Variants in DOCK5 observed in about 807,000 individuals in gnomAD.
DOCK5 encodes the protein dedicator of cytokinesis protein 5.
DOCK5 carries 142 observed loss-of-function variants against 251.8 expected under a neutral mutation model. That is an observed-to-expected ratio of 0.56 (90% CI 0.49 to 0.65). The LOEUF (loss-of-function observed/expected upper bound fraction) is 0.65. Ranked by LOEUF, DOCK5 falls within the 30% of genes least tolerant of loss-of-function variation. The pLI is 0.00. For missense variants in DOCK5, 2,111 were observed against 2,312.3 expected, an observed-to-expected ratio of 0.91 and a Z score of 1.79; for synonymous variants, 842 against 835.5, an observed-to-expected ratio of 1.01 and a Z score of -0.13.
rs79126979 is a variant in DOCK5, at chr8:25,386,967, A to T, written c.4132-2124A>T. Among the ~76,000 whole-genome samples, 369 of 152,326 alleles carry T rather than the reference A, an allele frequency of 2.4e-3. 1 individual carries two copies. Among genetic ancestry groups the T allele is most frequent in the African/African-American group, 8.5e-3 (355 of 41,564 alleles). On this transcript the variant is annotated intron_variant, in intron 40 of 51. Coordinates refer to ENST00000276440, the MANE Select transcript of DOCK5 (RefSeq NM_024940.8). Reference sequence around the variant, plus strand: ...CATATAGGAGTGCTTTATAAACTGTAAAGTAGTTTAGAGATGTTAACATAC... The same window carrying T: ...CATATAGGAGTGCTTTATAAACTGTTAAGTAGTTTAGAGATGTTAACATAC...
At chr8:25,207,126 A>G (rs949336429) in intron 1 of DOCK5, among the ~76,000 whole-genome samples, 10 of 152,214 alleles carry the variant, frequency 6.6e-5, no homozygotes, top group African/African-American at 2.4e-4. Context: ...GAATGCAGAC[A>G]TACCTCCTTC....
chr8:25,246,406 T>C (rs2117552225), intron 2 of DOCK5, among the ~76,000 whole-genome samples: 1 of 152,290 alleles, frequency 6.6e-6, no homozygotes, highest in South Asian at 2.1e-4. Context: ...CCTGAGTAGT[T>C]GGGATTACAG....
At chr8:25,187,222 T>TATATATACGTATATATATATATACAC (rs1194285307) in intron 1 of DOCK5, among the ~76,000 whole-genome samples, 170 of 144,784 alleles carry the variant, frequency 1.2e-3, no homozygotes, top group African/African-American at 4.3e-3. Context: ...TATATATACA[T>TATATATACGTATATATATATATACAC]ATATATACGT....
chr8:25,354,437 A>T (rs191240769), intron 27 of DOCK5, among the ~76,000 whole-genome samples: 1 of 152,314 alleles, frequency 6.6e-6, no homozygotes, highest in East Asian at 1.9e-4. Context: ...ATCAAATTGC[A>T]TGTTGTCTCC....
intron 34 of DOCK5, among the ~76,000 whole-genome samples, chr8:25,371,005 A>C (rs1257698872): frequency 6.6e-6 from 1 of 151,992 alleles, no homozygotes; most frequent in African/African-American, 2.4e-5. Flanking sequence ...ACTACTCTAG[A>C]CCATTGCTTT....
intron 1 of DOCK5, among the ~76,000 whole-genome samples, chr8:25,200,930 G>A (rs1801866113): frequency 6.6e-6 from 1 of 150,788 alleles, no homozygotes; most frequent in Non-Finnish European, 1.5e-5. Flanking sequence ...TGTTTGAGAT[G>A]GAGTCTTGCT....
chr8:25,374,841 A>G (rs140119583), intron 37 of DOCK5, 187 bp downstream of exon 37: 1 of 1,441,938 alleles, frequency 6.9e-7, no homozygotes. Flanking sequence ...AATGTCAGTT[A>G]TCTTTTATTT....
chr8:25,330,881 C>A (rs894555767), intron 18 of DOCK5, among the ~76,000 whole-genome samples: 5 of 152,174 alleles, frequency 3.3e-5, no homozygotes, highest in Non-Finnish European at 7.4e-5. Context: ...AGTTCAAGAC[C>A]AGCCTGGGCA....
At chr8:25,368,417 C>T (rs1309338661) in intron 32 of DOCK5, among the ~76,000 whole-genome samples, 154 bp from the exon 33 acceptor site, 6 of 152,336 alleles carry the variant, frequency 3.9e-5, no homozygotes, top group Middle Eastern at 3.4e-3. Flanking sequence ...CTGTCTCTTA[C>T]TCTGGCATCC....
At chr8:25,203,593 G>A (rs896661225) in intron 1 of DOCK5, among the ~76,000 whole-genome samples, 7 of 152,120 alleles carry the variant, frequency 4.6e-5, no homozygotes, top group East Asian at 1.9e-4. Context: ...AGCTCACTCC[G>A]TGAAGCAAAC....
At chr8:25,239,339 GTA>G (rs1554521916) in intron 1 of DOCK5, among the ~76,000 whole-genome samples, 1,372 of 93,410 alleles carry the variant, frequency 0.015, 12 homozygotes, top group East Asian at 0.048. Flanking sequence ...GTGTGTGTGT[GTA>G]TGTGTGTGTG....
intron 12 of DOCK5, 109 bp from the exon 13 acceptor site, chr8:25,310,298 C>A (rs925972562): frequency 5.2e-6 from 6 of 1,147,612 alleles, no homozygotes; most frequent in Middle Eastern, 3.0e-4. Flanking sequence ...GAATTTACAT[C>A]TTTACAGTAA....
rs549583483 is a variant in DOCK5 at position 25,329,473 on chromosome 8, G to C, written c.1904-2778G>C. ...TATTAATGTAGTTAATAATTGAACT[G>C]TCTAATTGAAGTCTTGTGTCACGTG... On this transcript the variant is annotated intron_variant, in intron 18 of 51. Transcript: ENST00000276440. 2.6e-5 allele frequency among the ~76,000 whole-genome samples: 4 copies of C among 152,178 alleles called. No individual in the cohort carries two copies. In the South Asian group the frequency reaches 8.3e-4, roughly 32 times the overall value.
chr8:25,347,678 A>G (rs1432101677), intron 26 of DOCK5, among the ~76,000 whole-genome samples: 1 of 152,216 alleles, frequency 6.6e-6, no homozygotes. Context: ...TCATATGTTT[A>G]TGATCCAAAG....
At chr8:25,197,271 G>T (rs967605026) in intron 1 of DOCK5, among the ~76,000 whole-genome samples, 1 of 152,154 alleles carries the variant, frequency 6.6e-6, no homozygotes, top group Non-Finnish European at 1.5e-5. Context: ...GGATGAGCAC[G>T]TTAATTGTGT....
At chr8:25,344,132 C>T (rs1800314990) in intron 25 of DOCK5, among the ~76,000 whole-genome samples, 1 of 152,092 alleles carries the variant, frequency 6.6e-6, no homozygotes, top group African/African-American at 2.4e-5. Context: ...AGGGGGTAGG[C>T]TGGCAGAAGC....
rs1801692067 is a variant in DOCK5, at chr8:25,415,492, C to G, written c.*4194C>G. 1 of 152,158 alleles carries G rather than the reference C, an allele frequency of 6.6e-6. No homozygotes were observed. The highest frequency in any genetic ancestry group is 2.4e-5 in the African/African-American group (1 of 41,442). The allele number at this position is 152,158 out of a possible 1,614,324, so 9.4% of individuals were successfully genotyped here. A position where few individuals can be genotyped will look rare whatever the true frequency, so the allele number is the denominator to read the frequency against. The stretch of plus-strand genomic sequence containing the variant: ...TTTCACTCTGACGCCTAGGATCTAG[C>G]CAAGGCTGGTCTGCAGTATCAGATG... On this transcript the variant is annotated 3_prime_UTR_variant, in exon 52 of 52. Coordinates refer to ENST00000276440, the MANE Select transcript of DOCK5 (RefSeq NM_024940.8).
chr8:25,315,662 A>C (rs1805226869), intron 13 of DOCK5, among the ~76,000 whole-genome samples: 1 of 152,236 alleles, frequency 6.6e-6, no homozygotes, highest in East Asian at 1.9e-4. Flanking sequence ...CTTACAGATA[A>C]ATTATTGCCC....
At chr8:25,232,213 TG>T (rs1802683203) in intron 1 of DOCK5, among the ~76,000 whole-genome samples, 1 of 152,254 alleles carries the variant, frequency 6.6e-6, no homozygotes. Context: ...TTTGGCTACT[TG>T]GTAATCTTGA....
Sources: allele counts gnomAD v4.1 joint callset (sites outside exome capture counted in the v4.1 genomes callset), GRCh38; gene constraint gnomAD v4.1.1; transcripts MANE v1.5; gene names NCBI Gene and HGNC (gene_info 2026-07-23, HGNC 2026-07-21).